The following TENM2 variants were observed in gnomAD, a reference collection of about 807,000 sequenced individuals.
The protein encoded by TENM2 is teneurin transmembrane protein 2, also known as teneurin-2.
Under a neutral mutation model 245.2 loss-of-function variants are expected in TENM2, and 52 were observed. That is an observed-to-expected ratio of 0.21 (90% CI 0.17 to 0.27). The LOEUF (loss-of-function observed/expected upper bound fraction) is 0.27. TENM2 is among the 10% of genes least tolerant of loss of function. The pLI is 1.00. For synonymous variants in TENM2, 1,363 were observed against 1,438.9 expected, an observed-to-expected ratio of 0.95 and a Z score of 1.19; for missense variants, 3,046 against 3,666.8, an observed-to-expected ratio of 0.83 and a Z score of 4.37.
intron 4 of TENM2, among the ~76,000 whole-genome samples, chr5:167,984,987 C>A (rs958812308): frequency 6.6e-5 from 10 of 152,142 alleles, no homozygotes. Flanking sequence ...GGTTATTTAA[C>A]CTCTCTCCAG....
At chr5:167,850,248 T>G (rs1770453418) in intron 2 of TENM2, among the ~76,000 whole-genome samples, 1 of 152,192 alleles carries the variant, frequency 6.6e-6, no homozygotes, top group African/African-American at 2.4e-5. Context: ...AATATCACAG[T>G]AACATGTTCA....
At chr5:168,007,850 T>C (rs987258231) in intron 5 of TENM2, among the ~76,000 whole-genome samples, 5 of 152,214 alleles carry the variant, frequency 3.3e-5, no homozygotes, top group Admixed American at 1.3e-4. Flanking sequence ...TTCTTCTAAT[T>C]GAGTGCTTTT....
chr5:167,810,595 G>A (rs888009183), intron 2 of TENM2, among the ~76,000 whole-genome samples: 1 of 151,636 alleles, frequency 6.6e-6, no homozygotes, highest in Admixed American at 6.6e-5. Context: ...TAATCAAGCG[G>A]AAGGTCAAGA....
exon 12 of TENM2, chr5:168,126,860 C>A: frequency 6.2e-7 from 1 of 1,609,682 alleles, no homozygotes; most frequent in South Asian, 1.1e-5. Flanking sequence ...TGTGCCACCC[C>A]CGCTGCATTG....
At chr5:167,384,035 T>C (rs1406690980) in intron 2 of TENM2, among the ~76,000 whole-genome samples, 1 of 152,182 alleles carries the variant, frequency 6.6e-6, no homozygotes, top group Non-Finnish European at 1.5e-5. Context: ...TGTGGCAACC[T>C]GTTTGGTTGT....
At chr5:167,494,687 A>G (rs1181839103) in intron 2 of TENM2, among the ~76,000 whole-genome samples, 1 of 152,154 alleles carries the variant, frequency 6.6e-6, no homozygotes, top group Admixed American at 6.6e-5. Context: ...AAAAGTTTAA[A>G]GAAATAGCTG....
At chr5:167,444,157 T>C (rs1176673753) in intron 2 of TENM2, among the ~76,000 whole-genome samples, 1 of 152,160 alleles carries the variant, frequency 6.6e-6, no homozygotes, top group African/African-American at 2.4e-5. Flanking sequence ...TAATAGCATG[T>C]CTTTGTCATA....
At position 167,776,942 on chromosome 5, in the gene TENM2, T is replaced by G. The variant is rs527645899; in HGVS notation, c.503-99044T>G. 6.1e-4 allele frequency among the ~76,000 whole-genome samples: 93 copies of G among 152,302 alleles called. 1 individual carries two copies. The highest frequency in any genetic ancestry group is 2.2e-3 in the African/African-American group (92 of 41,568). ...TGTAGCAATTTGCATGCATTGAATG[T>G]TTTTCAAAAGACTGAACTTAAGAAA... On this transcript the variant is annotated intron_variant, in intron 2 of 28. Transcript: ENST00000518659.
chr5:167,493,507 G>A (rs1400570907), intron 2 of TENM2, among the ~76,000 whole-genome samples: 1 of 151,998 alleles, frequency 6.6e-6, no homozygotes, highest in African/African-American at 2.4e-5. Context: ...GAATTTTTGT[G>A]GGTATCAAAT....
At chr5:167,591,805 T>C (rs1029248155) in intron 2 of TENM2, among the ~76,000 whole-genome samples, 1 of 152,250 alleles carries the variant, frequency 6.6e-6, no homozygotes, top group Non-Finnish European at 1.5e-5. Flanking sequence ...ATAGTTGGCA[T>C]TCTCAATAAT....
At chr5:167,125,437 C>T in the TENM2 span, among the ~76,000 whole-genome samples, 14 of 152,214 alleles carry the variant, frequency 9.2e-5, no homozygotes, top group Admixed American at 3.3e-4. Flanking sequence ...TGAGTTGGAG[C>T]GGAATTTTGT....
chr5:167,291,290 T>G (rs983982136), intron 1 of TENM2, among the ~76,000 whole-genome samples: 4 of 152,210 alleles, frequency 2.6e-5, no homozygotes, highest in Non-Finnish European at 5.9e-5. Context: ...TTCTGAAAAC[T>G]TTTTCATTTA....
At chr5:167,795,138 CA>C (rs1359929885) in intron 2 of TENM2, among the ~76,000 whole-genome samples, 2 of 152,094 alleles carry the variant, frequency 1.3e-5, no homozygotes, top group Non-Finnish European at 2.9e-5. Context: ...GGATTGGTGT[CA>C]GATGAGAGAG....
At position 167,694,726 on chromosome 5, in the gene TENM2, G is replaced by T. The variant is rs967824289; in HGVS notation, c.503-181260G>T. 6.6e-5 allele frequency among the ~76,000 whole-genome samples: 10 copies of T among 152,216 alleles called. No homozygotes were observed. The South Asian group carries it at 8.3e-4, about 13-fold the overall frequency. ...CAGCTCTTAATCTCTTGGTGTGCAT[G>T]AATAGTTCTCATTAGTTGTGGTAAG... is the stretch of plus-strand genomic sequence containing the variant. On this transcript the variant is annotated intron_variant, in intron 2 of 28. Transcript: ENST00000518659.
chr5:167,612,006 C>T (rs1384711248), intron 2 of TENM2, among the ~76,000 whole-genome samples: 2 of 152,114 alleles, frequency 1.3e-5, no homozygotes, highest in Non-Finnish European at 2.9e-5. Flanking sequence ...ATATATTTGA[C>T]TCCTTTGATC....
chr5:167,279,501 TTTCC>T, the TENM2 span, among the ~76,000 whole-genome samples: 1 of 141,024 alleles, frequency 7.1e-6, no homozygotes, highest in South Asian at 2.4e-4. Context: ...TTTCTCTTTC[TTTCC>T]TTCCTTCCTT....
chr5:167,575,353 G>T (rs928458114), intron 2 of TENM2, among the ~76,000 whole-genome samples: 2 of 152,138 alleles, frequency 1.3e-5, no homozygotes, highest in African/African-American at 4.8e-5. Context: ...TACTAGGTTT[G>T]GTCCTAGAAA....
chr5:167,007,937 C>T, the TENM2 span, among the ~76,000 whole-genome samples: 5 of 152,092 alleles, frequency 3.3e-5, no homozygotes, highest in African/African-American at 1.2e-4. This position sits in a 1 kb window ranked among gnomAD's most constrained non-coding sequence, Gnocchi z 4.2. Flanking sequence ...TCTGGGATGA[C>T]ACTGAATGGG....
At chr5:167,755,941 G>C (rs184661168) in intron 2 of TENM2, among the ~76,000 whole-genome samples, 2 of 152,148 alleles carry the variant, frequency 1.3e-5, no homozygotes, top group East Asian at 3.9e-4. Flanking sequence ...CACTTTTCTA[G>C]GGCAACGTAT....
Sources: allele counts gnomAD v4.1 joint callset (sites outside exome capture counted in the v4.1 genomes callset), GRCh38; gene constraint gnomAD v4.1.1; non-coding constraint Gnocchi (gnomAD v3.1); transcripts MANE v1.5; gene names NCBI Gene and HGNC (gene_info 2026-07-23, HGNC 2026-07-21).